Variants in RAB10 observed in about 807,000 individuals in gnomAD.
RAB10 encodes the protein RAB10, member RAS oncogene family, also known as ras-related protein Rab-10.
Under a neutral mutation model 25.7 loss-of-function variants are expected in RAB10, and 5 were observed. The ratio of observed to expected loss-of-function variants is 0.19; its 90% CI spans 0.10 to 0.41. The LOEUF (loss-of-function observed/expected upper bound fraction) is 0.41, where lower values mean the gene tolerates loss of function less well. RAB10 is among the 10% of genes least tolerant of loss of function. The pLI, the probability that RAB10 is intolerant of heterozygous loss-of-function variation, is 1.00. For synonymous variants in RAB10, 89 were observed against 86.4 expected, an observed-to-expected ratio of 1.03 and a Z score of -0.16; for missense variants, 103 against 245.8, an observed-to-expected ratio of 0.42 and a Z score of 3.89.
At chr2:26,033,793 G>A (rs1365922885), upstream of RAB10, among the ~76,000 whole-genome samples, 3 of 151,932 alleles carry the variant, frequency 2.0e-5, no homozygotes, top group Non-Finnish European at 4.4e-5. Context: ...GAGGCGGGAG[G>A]CGGGGGTCGG....
chr2:26,123,687 A>T (rs2149288492), intron 3 of RAB10, among the ~76,000 whole-genome samples: 1 of 152,354 alleles, frequency 6.6e-6, no homozygotes, highest in Non-Finnish European at 1.5e-5. Flanking sequence ...GCCAGAAAAC[A>T]AATTGACTGT....
intron 1 of RAB10, among the ~76,000 whole-genome samples, chr2:26,035,683 G>T (rs1665750091): frequency 1.3e-5 from 2 of 152,168 alleles, no homozygotes; most frequent in Non-Finnish European, 2.9e-5. Context: ...TTTCTTAAAA[G>T]ACACATGGCT....
intron 3 of RAB10, among the ~76,000 whole-genome samples, chr2:26,118,224 G>A (rs1008472802): frequency 1.3e-5 from 2 of 152,160 alleles, no homozygotes; most frequent in Non-Finnish European, 2.9e-5. Context: ...GTCGTCCTCA[G>A]CCACCCAAAG....
intron 2 of RAB10, among the ~76,000 whole-genome samples, chr2:26,105,826 C>T (rs1235245523): frequency 6.6e-6 from 1 of 152,130 alleles, no homozygotes; most frequent in Non-Finnish European, 1.5e-5. Context: ...TATTTAGATA[C>T]ACAAATACTT....
At chr2:26,095,462 C>T (rs1386015100) in intron 1 of RAB10, among the ~76,000 whole-genome samples, 1 of 152,144 alleles carries the variant, frequency 6.6e-6, no homozygotes, top group Admixed American at 6.5e-5. Flanking sequence ...AAAAAATTAG[C>T]CAGGCATGGT....
At chr2:26,089,838 C>A (rs907429345) in intron 1 of RAB10, among the ~76,000 whole-genome samples, 2 of 152,074 alleles carry the variant, frequency 1.3e-5, no homozygotes, top group Non-Finnish European at 2.9e-5. Context: ...TGGTTAACTG[C>A]TAAGCCAAGT....
intron 2 of RAB10, among the ~76,000 whole-genome samples, chr2:26,103,883 G>A (rs1667411296): frequency 6.6e-6 from 1 of 151,396 alleles, no homozygotes; most frequent in African/African-American, 2.4e-5. Context: ...AGGTTATCAG[G>A]GTCTGTCTGT....
chr2:26,087,802 A>G lies in RAB10; in HGVS notation c.128-10860A>G, dbSNP rs112972383. ...TTTTAATGAGTTAATCCATGCAAAG[A>G]TCTTCTAACAGTGCCAGGCACATTG... On this transcript the variant is annotated intron_variant, in intron 1 of 5. Coordinates refer to ENST00000264710, the MANE Select transcript of RAB10 (RefSeq NM_016131.5). Among the ~76,000 whole-genome samples, 120 of 152,354 alleles carry G rather than the reference A, an allele frequency of 7.9e-4. 1 individual carries two copies. Among genetic ancestry groups the G allele is most frequent in the African/African-American group, 2.8e-3 (115 of 41,578 alleles).
chr2:26,134,679 T>C (rs1668073472), intron 5 of RAB10, among the ~76,000 whole-genome samples: 1 of 152,196 alleles, frequency 6.6e-6, no homozygotes, highest in Admixed American at 6.5e-5. Context: ...ATTTAAGAGT[T>C]AGAGCTGAGA....
chr2:26,077,902 C>T (rs1559586459), intron 1 of RAB10, among the ~76,000 whole-genome samples: 1 of 152,038 alleles, frequency 6.6e-6, no homozygotes, highest in Non-Finnish European at 1.5e-5. Context: ...TCACTTGGTC[C>T]CGGGAGGCGG....
intron 3 of RAB10, among the ~76,000 whole-genome samples, chr2:26,116,966 C>T (rs1667703050): frequency 6.6e-6 from 1 of 151,944 alleles, no homozygotes. Context: ...CACTGTGCCA[C>T]TCTTTGTATT....
chr2:26,134,468 T>C (rs538734443), intron 5 of RAB10, among the ~76,000 whole-genome samples: 1 of 152,312 alleles, frequency 6.6e-6, no homozygotes, highest in South Asian at 2.1e-4. Flanking sequence ...GCTCCACTCC[T>C]TTTCACTTAA....
rs528357970 is a variant in RAB10 at position 26,038,343 on chromosome 2, C to T, written c.127+3608C>T. The stretch of plus-strand genomic sequence containing the variant: ...TCCTGAGTAGCTGGGATTACAGGTG[C>T]GCACCACCACGCCTGGCCAATTTAG... On this transcript the variant is annotated intron_variant, in intron 1 of 5. Transcript: ENST00000264710. Among the ~76,000 whole-genome samples, 15 of 151,492 alleles carry T rather than the reference C, an allele frequency of 9.9e-5. No homozygotes were observed. The South Asian group carries it at 3.1e-3, about 32-fold the overall frequency.
chr2:26,133,493 G>A (rs886993040), intron 5 of RAB10, among the ~76,000 whole-genome samples: 5 of 152,020 alleles, frequency 3.3e-5, no homozygotes, highest in African/African-American at 1.2e-4. Flanking sequence ...AGCCTTCTTG[G>A]GAGTATTATG....
intron 1 of RAB10, among the ~76,000 whole-genome samples, chr2:26,073,314 C>T (rs1013268424): frequency 7.9e-5 from 12 of 152,214 alleles, no homozygotes; most frequent in Admixed American, 2.0e-4. Context: ...TGGACTGGAT[C>T]TCCCTAAACC....
At chr2:26,094,705 C>T (rs1309396495) in intron 1 of RAB10, among the ~76,000 whole-genome samples, 2 of 151,988 alleles carry the variant, frequency 1.3e-5, no homozygotes, top group Admixed American at 6.6e-5. Flanking sequence ...ATTACAGGCA[C>T]GTGCCACCAT....
chr2:26,079,236 C>T (rs1456160538), intron 1 of RAB10, among the ~76,000 whole-genome samples: 1 of 150,560 alleles, frequency 6.6e-6, no homozygotes, highest in Admixed American at 6.6e-5. Flanking sequence ...ATAAAAAGAA[C>T]CACATACATG....
intron 1 of RAB10, among the ~76,000 whole-genome samples, chr2:26,040,309 G>A (rs1665856802): frequency 6.6e-6 from 1 of 152,038 alleles, no homozygotes. Flanking sequence ...GCACCATCGC[G>A]TCTGGCTGTG....
chr2:26,134,304 A>G (rs893262424), intron 5 of RAB10, among the ~76,000 whole-genome samples: 3 of 151,968 alleles, frequency 2.0e-5, no homozygotes, highest in African/African-American at 7.3e-5. Flanking sequence ...TTTTATACAG[A>G]TGGGGGTCTT....
Sources: gnomAD v4.1 joint callset for allele counts (sites outside exome capture counted in the v4.1 genomes callset) on GRCh38, gnomAD v4.1.1 for gene constraint, MANE v1.5 for transcripts, NCBI Gene and HGNC (gene_info 2026-07-23, HGNC 2026-07-21) for gene names.